Variants in PCDHGB7 observed in about 807,000 individuals in gnomAD.
The protein encoded by PCDHGB7 is protocadherin gamma subfamily B, 7.
PCDHGB7 carries 37 observed loss-of-function variants against 61.4 expected under a neutral mutation model. The ratio of observed to expected loss-of-function variants is 0.60; its 90% CI spans 0.46 to 0.79. The LOEUF is 0.79. Ranked by LOEUF, PCDHGB7 falls within the 30% of genes least tolerant of loss-of-function variation. The pLI, the probability that PCDHGB7 is intolerant of heterozygous loss-of-function variation, is 0.00. For synonymous variants in PCDHGB7, 464 were observed against 503.5 expected, an observed-to-expected ratio of 0.92 and a Z score of 1.05; for missense variants, 1,166 against 1,202.5, an observed-to-expected ratio of 0.97 and a Z score of 0.45.
At position 141,494,872 on chromosome 5, in the gene PCDHGB7, G is replaced by T. The variant is rs917132299; in HGVS notation, c.2474+7G>T. On this transcript the variant is annotated splice_region_variant and intron_variant, in intron 2 of 3. Transcript: ENST00000398594. The stretch of plus-strand genomic sequence containing the variant: ...AGAGACCCGGCACCAGCGGGTAGGT[G>T]ACTGATTCTCCAGCCCACCCTCTTC... 7 of 1,614,010 alleles carry T rather than the reference G, an allele frequency of 4.3e-6. No homozygotes were observed. The highest frequency in any genetic ancestry group is 1.3e-5 in the African/African-American group (1 of 74,910).
At chr5:141,464,861 C>G (rs1178430383) in intron 1 of PCDHGB7, among the ~76,000 whole-genome samples, 1 of 152,134 alleles carries the variant, frequency 6.6e-6, no homozygotes, top group Non-Finnish European at 1.5e-5. Flanking sequence ...ACCTTAGCCT[C>G]CCAAGTAGCT....
chr5:141,427,096 T>A, intron 1 of PCDHGB7: 1 of 458,056 alleles, frequency 2.2e-6, no homozygotes, highest in Non-Finnish European at 4.4e-6. Flanking sequence ...GATGAGGGTG[T>A]CAATGCGGAG....
At chr5:141,448,924 G>A (rs1244728418) in intron 1 of PCDHGB7, among the ~76,000 whole-genome samples, 1 of 152,116 alleles carries the variant, frequency 6.6e-6, no homozygotes, top group East Asian at 1.9e-4. Flanking sequence ...CAGCCTGGGC[G>A]ACAGAGCAAG....
At chr5:141,482,901 A>T (rs192886570) in intron 1 of PCDHGB7, among the ~76,000 whole-genome samples, 2 of 152,240 alleles carry the variant, frequency 1.3e-5, no homozygotes, top group African/African-American at 4.8e-5. Flanking sequence ...GTGAAACCTC[A>T]TCTCTATTAA....
chr5:141,492,071 C>T (rs992716777), intron 1 of PCDHGB7: 7 of 481,874 alleles, frequency 1.5e-5, no homozygotes, highest in African/African-American at 1.4e-4. Context: ...CTCCTAGGCG[C>T]CGGCTCCGGC....
At position 141,476,290 on chromosome 5, in the gene PCDHGB7, C is replaced by T. The variant is rs768208156; in HGVS notation, c.2416-18517C>T. ...TGGTCGCGAACCTTGGTTTGGATCT[C>T]GGTAGCCTCTCAGCCCGCAGGTTCC... On this transcript the variant is annotated intron_variant, in intron 1 of 3. Coordinates refer to ENST00000398594, the MANE Select transcript of PCDHGB7 (RefSeq NM_018927.4). The surrounding 1 kb of genome is among the most constrained non-coding windows in gnomAD (Gnocchi z 7.6). 1.7e-5 allele frequency: 27 copies of T among 1,613,932 alleles called. No individual in the cohort carries two copies. Among genetic ancestry groups the T allele is most frequent in the Non-Finnish European group, 2.3e-5 (27 of 1,180,018 alleles).
intron 1 of PCDHGB7, chr5:141,478,305 C>A (rs775282798): frequency 1.2e-6 from 2 of 1,613,974 alleles, no homozygotes; most frequent in Non-Finnish European, 8.5e-7. Flanking sequence ...TACCGAGCCC[C>A]GGTGAGCTCA....
chr5:141,486,725 C>A lies in PCDHGB7; in HGVS notation c.2416-8082C>A. 1 of 1,614,182 alleles carries A rather than the reference C, an allele frequency of 6.2e-7. No individual in the cohort carries two copies. The highest frequency in any genetic ancestry group is 1.1e-5 in the South Asian group (1 of 91,076). On this transcript the variant is annotated intron_variant, in intron 1 of 3. Transcript: ENST00000398594. The surrounding 1 kb of genome is among the most constrained non-coding windows in gnomAD (Gnocchi z 5.0). ...TCTGAACCCCCAGACAGGAGCTGTT[C>A]ATGCTACTCGATCCTTTGACTATGA...
chr5:141,418,673 G>A lies in PCDHGB7; in HGVS notation c.814G>A (p.Gly272Ser), dbSNP rs2096279740. The A allele has an allele frequency of 5.0e-6, 8 of 1,614,026 alleles. No individual in the cohort carries two copies. Among genetic ancestry groups the A allele is most frequent in the Non-Finnish European group, 6.8e-6 (8 of 1,179,892 alleles). ...AGTGAAGGCCACTGACCAGGACGAG[G>A]GCATCAACTCAGAGATCACTTATTC... ...LRVKATDQDE[G>S]INSEITYSFF... The change falls in exon 1 of 4, where the codon GGC becomes AGC. Residue 272 changes from glycine (G) to serine (S), a missense_variant. Gly to Ser is a moderately conservative substitution (Grantham distance 56). Coordinates refer to ENST00000398594, the MANE Select transcript of PCDHGB7 (RefSeq NM_018927.4).
chr5:141,489,692 G>A lies in PCDHGB7; in HGVS notation c.2416-5115G>A. 1.9e-6 allele frequency: 3 copies of A among 1,614,128 alleles called. No individual in the cohort carries two copies. The highest frequency in any genetic ancestry group is 1.7e-6 in the Non-Finnish European group (2 of 1,179,980). On this transcript the variant is annotated intron_variant, in intron 1 of 3. Coordinates refer to ENST00000398594, the MANE Select transcript of PCDHGB7 (RefSeq NM_018927.4). The surrounding 1 kb of genome is among the most constrained non-coding windows in gnomAD (Gnocchi z 4.5). The stretch of plus-strand genomic sequence containing the variant: ...TCAGAATCAGCAGCATCTGGGGCAC[G>A]ATTCCCACTGGACAGTGCCCAGGAT...
At chr5:141,422,281 T>C in intron 1 of PCDHGB7, 1 of 1,557,044 alleles carries the variant, frequency 6.4e-7, no homozygotes, top group Middle Eastern at 1.7e-4. Context: ...AACTATCACC[T>C]CTTCTATTAA....
In PCDHGB7 at chr5:141,477,155, G is replaced by A. The variant is rs2099406190; in HGVS notation, c.2416-17652G>A. ...GTTGGTGGAGGTTGTGGATGTGAATGACAACGCCCCGGAGATCACAGTCAC... is the reference window on the plus strand; with the variant it reads ...GTTGGTGGAGGTTGTGGATGTGAATAACAACGCCCCGGAGATCACAGTCAC... On this transcript the variant is annotated intron_variant, in intron 1 of 3. Coordinates refer to ENST00000398594, the MANE Select transcript of PCDHGB7 (RefSeq NM_018927.4). The surrounding 1 kb of genome is among the most constrained non-coding windows in gnomAD (Gnocchi z 4.9). The A allele has an allele frequency of 6.2e-7, 1 of 1,614,190 alleles. No individual in the cohort carries two copies. The highest frequency in any genetic ancestry group is 8.5e-7 in the Non-Finnish European group (1 of 1,180,042).
chr5:141,491,293 C>T lies in PCDHGB7; in HGVS notation c.2416-3514C>T. On this transcript the variant is annotated intron_variant, in intron 1 of 3. Transcript: ENST00000398594. This position sits in a 1 kb window ranked among gnomAD's most constrained non-coding sequence, Gnocchi z 6.9. Reference sequence around the variant, plus strand: ...ATCCAGTGACTTCCTCATACACCCTCCTGAGCGTTCAGACCTTACCCTTTA... The same window carrying T: ...ATCCAGTGACTTCCTCATACACCCTTCTGAGCGTTCAGACCTTACCCTTTA... 6.2e-7 allele frequency: 1 copy of T among 1,614,166 alleles called. No homozygotes were observed. The highest frequency in any genetic ancestry group is 1.3e-5 in the African/African-American group (1 of 75,058).
intron 1 of PCDHGB7, among the ~76,000 whole-genome samples, chr5:141,461,958 G>C (rs1048690044): frequency 4.5e-4 from 69 of 152,272 alleles, no homozygotes; most frequent in Non-Finnish European, 2.9e-4. Context: ...TGAGTAGCTG[G>C]GATTCCAGGC....
chr5:141,419,148 C>G lies in PCDHGB7; in HGVS notation c.1289C>G (p.Pro430Arg). ...VTIAATDRGK[P>R]PLSSSKTITL... ...ATCGCAGCCACAGACAGGGGCAAGC[C>G]TCCGTTATCCTCCAGCAAAACCATA... The change falls in exon 1 of 4, where the codon CCT becomes CGT. Residue 430 changes from proline (P) to arginine (R), a missense_variant. Physicochemically the swap from Pro to Arg is moderately radical, Grantham distance 103. Transcript: ENST00000398594. 1 of 1,613,940 alleles carries G rather than the reference C, an allele frequency of 6.2e-7. No individual in the cohort carries two copies.
intron 1 of PCDHGB7, among the ~76,000 whole-genome samples, chr5:141,452,072 G>A (rs550370876): frequency 1.3e-5 from 2 of 152,272 alleles, no homozygotes; most frequent in East Asian, 1.9e-4. Flanking sequence ...ACTTTTATTA[G>A]TTGGCATTAT....
rs1031996605 is a variant in PCDHGB7, at chr5:141,487,055, G to C, written c.2416-7752G>C. ...TGCAGTCTCTCGATATGCTGGGGAG[G>C]TGCGGACGGCTGTTCCTATCCCAGC... is the stretch of plus-strand genomic sequence containing the variant. On this transcript the variant is annotated intron_variant, in intron 1 of 3. Transcript: ENST00000398594. The surrounding 1 kb of genome is among the most constrained non-coding windows in gnomAD (Gnocchi z 5.0). The C allele has an allele frequency of 6.2e-7, 1 of 1,614,186 alleles. No individual in the cohort carries two copies. The highest frequency in any genetic ancestry group is 8.5e-7 in the Non-Finnish European group (1 of 1,180,038).
chr5:141,512,262 C>G lies in PCDHGB7; in HGVS notation c.*1089C>G, dbSNP rs925517361. On this transcript the variant is annotated 3_prime_UTR_variant, in exon 4 of 4. Transcript: ENST00000398594. ...GAGGGGCCTCTGTGGGTGCTGGGTA[C>G]TCCAGAGGTGCCACTGGTGGAAGGG... 1 of 152,712 alleles carries G rather than the reference C, an allele frequency of 6.5e-6. No homozygotes were observed. The highest frequency in any genetic ancestry group is 2.4e-5 in the African/African-American group (1 of 41,452). 9.5% of individuals were successfully genotyped at this position (152,712 alleles called of 1,614,324 possible).
At position 141,486,272 on chromosome 5, in the gene PCDHGB7, A is replaced by C. The variant is rs2099627166; in HGVS notation, c.2416-8535A>C. On this transcript the variant is annotated intron_variant, in intron 1 of 3. Transcript: ENST00000398594. The surrounding 1 kb of genome is among the most constrained non-coding windows in gnomAD (Gnocchi z 5.0). ...CCTCCCCGAGAGTGCAGAACCTGGC[A>C]CTGTGGTGGCACTTATCAGTGTGCA... 1 of 1,613,886 alleles carries C rather than the reference A, an allele frequency of 6.2e-7. No individual in the cohort carries two copies. Among genetic ancestry groups the C allele is most frequent in the Non-Finnish European group, 8.5e-7 (1 of 1,179,986 alleles).
Sources: gnomAD v4.1 joint callset for allele counts (sites outside exome capture counted in the v4.1 genomes callset) on GRCh38, gnomAD v4.1.1 for gene constraint, Gnocchi (gnomAD v3.1) non-coding constraint, MANE v1.5 for transcripts, NCBI Gene and HGNC (gene_info 2026-07-23, HGNC 2026-07-21) for gene names.